Variants in SLC7A7 observed in about 807,000 individuals in gnomAD.
SLC7A7 encodes solute carrier family 7 member 7, also known as Y+L amino acid transporter 1.
In SLC7A7, 39 loss-of-function variants were observed where a neutral mutation model predicts 47.9. That is an observed-to-expected ratio of 0.81 (90% confidence interval 0.63 to 1.06). The LOEUF (loss-of-function observed/expected upper bound fraction) is 1.06. Among genes scored for constraint, SLC7A7 ranks in the 50% least tolerant of loss-of-function variants. The probability of loss-of-function intolerance (pLI) is 0.00; values close to 1 mark genes in which losing one functional copy is unlikely to be tolerated. For missense variants in SLC7A7, 588 were observed against 632.0 expected (o/e 0.93, Z 0.75); for synonymous variants, 234 against 242.8 (o/e 0.96, Z 0.34).
intron 2 of SLC7A7, among the ~76,000 whole-genome samples, chr14:22,792,897 A>AGAGAGAGAGAGAGAGAGAGAGAGAGAG (rs1555323613): frequency 1.6e-5 from 1 of 61,900 alleles, no homozygotes; most frequent in Non-Finnish European, 4.1e-5. Flanking sequence ...GAGAGAGAGA[A>AGAGAGAGAGAGAGAGAGAGAGAGAGAG]AGGAAAAGAA....
intron 2 of SLC7A7, among the ~76,000 whole-genome samples, chr14:22,803,265 C>T (rs2039146202): frequency 1.3e-5 from 2 of 151,788 alleles, no homozygotes; most frequent in African/African-American, 4.8e-5. Context: ...GCTAAAATAC[C>T]AAAATTAGCC....
intron 4 of SLC7A7, among the ~76,000 whole-genome samples, 179 bp downstream of exon 4, chr14:22,778,614 T>C (rs2038658839): frequency 6.6e-6 from 1 of 152,242 alleles, no homozygotes; most frequent in Non-Finnish European, 1.5e-5. Context: ...AGTTCATATT[T>C]TAGCCCTGTT....
At chr14:22,792,749 T>C (rs975465327) in intron 2 of SLC7A7, among the ~76,000 whole-genome samples, 17 of 149,592 alleles carry the variant, frequency 1.1e-4, no homozygotes, top group African/African-American at 3.7e-4. Context: ...CCTAGCTACC[T>C]GGGAGTCTGA....
In SLC7A7 at chr14:22,779,080, A is replaced by C. The variant is rs553109644; in HGVS notation, c.626-143T>G. ...ACCTTTGGCAGCAAGAGTACCAGTA[A>C]GGGAACAGGAAACAGAAGAGAGACG... is the stretch of plus-strand genomic sequence containing the variant. On this transcript the variant is annotated intron_variant, in intron 3 of 9. Transcript: ENST00000674313. 4.8e-5 allele frequency: 47 copies of C among 970,192 alleles called. No individual in the cohort carries two copies. In the South Asian group the frequency reaches 6.0e-4, roughly 12 times the overall value. 60.1% of individuals were successfully genotyped at this position (970,192 alleles called of 1,614,324 possible).
Position 22,775,535 on chromosome 14 carries a change from A to G in SLC7A7, c.1004T>C (p.Phe335Ser), listed in dbSNP as rs11568424. The stretch of plus-strand genomic sequence containing the variant: ...ATGGCCTTCTCTTGAGCCCACAAAG[A>G]AAAGCCTATGTTAGGTAAGATAGGA... ...NASIVAASRL[F>S]FVGSREGHLP... The change falls in exon 7 of 10, where the codon TTC becomes TCC. Residue 335 changes from phenylalanine to serine, a missense_variant. By Grantham distance (155) the Phe-to-Ser change is radical. Coordinates refer to ENST00000674313, the MANE Select transcript of SLC7A7 (RefSeq NM_003982.4). 8 of 1,613,994 alleles carry G rather than the reference A, an allele frequency of 5.0e-6. No homozygotes were observed. The highest frequency in any genetic ancestry group is 3.3e-4 in the Middle Eastern group (2 of 6,084).
At chr14:22,802,528 T>C (rs2039134382) in intron 2 of SLC7A7, among the ~76,000 whole-genome samples, 1 of 152,204 alleles carries the variant, frequency 6.6e-6, no homozygotes, top group Admixed American at 6.5e-5. Context: ...ACTTACAAGA[T>C]GGTAGATGTT....
rs1178945076 is a variant in SLC7A7 at position 22,774,491 on chromosome 14, A to G, written c.1108T>C (p.Leu370=). The G allele has an allele frequency of 1.9e-6, 3 of 1,614,174 alleles. No individual in the cohort carries two copies. In the South Asian group the frequency reaches 3.3e-5, roughly 18 times the overall value. The change falls in exon 8 of 10, where the codon TTG becomes CTG. Residue 370 remains leucine (L), a synonymous_variant. Transcript: ENST00000674313. ...PSLLFNGIMA[L]IYLCVEDIFQ... is the part of the protein sequence containing the mutation. ...ATGTCTTCCACGCACAAGTAGATCA[A>G]TGCCATGATACCCTGTAAGCGTGAG...
chr14:22,797,204 G>A (rs943396659), intron 2 of SLC7A7, among the ~76,000 whole-genome samples: 11 of 152,140 alleles, frequency 7.2e-5, no homozygotes, highest in South Asian at 4.1e-4. Flanking sequence ...AATGTGAGAC[G>A]GGGAGTGGGA....
intron 2 of SLC7A7, among the ~76,000 whole-genome samples, chr14:22,798,416 TCACCACCATGCACCAGTG>T (rs2039054858): frequency 6.6e-6 from 1 of 152,154 alleles, no homozygotes; most frequent in South Asian, 2.1e-4. Flanking sequence ...TCCACGCTGT[TCACCACCATGCACCAGTG>T]CCTTCCAAAG....
At chr14:22,807,672 C>T (rs1200093691) in intron 2 of SLC7A7, among the ~76,000 whole-genome samples, 1 of 152,166 alleles carries the variant, frequency 6.6e-6, no homozygotes, top group Non-Finnish European at 1.5e-5. Context: ...CCTTCTCCCA[C>T]CCCACATTCC....
At chr14:22,777,254 C>A (rs1413966921) in intron 4 of SLC7A7, among the ~76,000 whole-genome samples, 1 of 151,156 alleles carries the variant, frequency 6.6e-6, no homozygotes, top group Non-Finnish European at 1.5e-5. Flanking sequence ...CCCCAAAGAT[C>A]TTTTGGTGTC....
rs139075179 is a variant in SLC7A7 at position 22,815,270 on chromosome 14, A to G, written c.-43+50T>C. 2.8e-3 allele frequency: 1,203 copies of G among 430,086 alleles called. 14 individuals carry two copies. Among genetic ancestry groups the G allele is most frequent in the African/African-American group, 0.022 (1,089 of 49,638 alleles). The allele number at this position is 430,086 out of a possible 1,614,324, so 26.6% of individuals were successfully genotyped here. A position where few individuals can be genotyped will look rare whatever the true frequency, so the allele number is the denominator to read the frequency against. On this transcript the variant is annotated intron_variant, in intron 1 of 9. Transcript: ENST00000674313. ...TAGACACTGCACAGCAGCAAAGAGG[A>G]GGGTTAGCAAGGTAAGTGGAGATGA... is the stretch of plus-strand genomic sequence containing the variant.
chr14:22,795,474 TTTC>T (rs1219318624), intron 2 of SLC7A7, among the ~76,000 whole-genome samples: 1 of 39,122 alleles, frequency 2.6e-5, no homozygotes, highest in African/African-American at 7.8e-5. Context: ...TTTCTTTTCT[TTTC>T]TTTTCTTTTT....
At chr14:22,779,663 C>T (rs1052211857) in intron 3 of SLC7A7, among the ~76,000 whole-genome samples, 4 of 151,970 alleles carry the variant, frequency 2.6e-5, no homozygotes, top group African/African-American at 9.7e-5. Context: ...CCATCTTGGC[C>T]AGGCTGATCT....
chr14:22,817,316 GTATTTT>G (rs1228443512), upstream of SLC7A7: 1 of 231,982 alleles, frequency 4.3e-6, no homozygotes, highest in Non-Finnish European at 8.3e-6. Flanking sequence ...TTTTATTTCG[GTATTTT>G]TATTTTATTT....
At chr14:22,801,018 G>C (rs2039103843) in intron 2 of SLC7A7, among the ~76,000 whole-genome samples, 1 of 152,096 alleles carries the variant, frequency 6.6e-6, no homozygotes, top group Non-Finnish European at 1.5e-5. Context: ...ACCATCTGCT[G>C]CAACCACATG....
chr14:22,777,344 A>G lies in SLC7A7; in HGVS notation c.771-1026T>C, dbSNP rs77063913. Among the ~76,000 whole-genome samples, 1,396 of 152,206 alleles carry G rather than the reference A, an allele frequency of 9.2e-3. 12 individuals carry two copies. The highest frequency in any genetic ancestry group is 0.03 in the African/African-American group (1,254 of 41,522). ...ATATAAAAAGAAATTATGGAGGCAA[A>G]TTGTGAAATTTAACATCTTCAGAGA... is the stretch of plus-strand genomic sequence containing the variant. On this transcript the variant is annotated intron_variant, in intron 4 of 9. Transcript: ENST00000674313.
chr14:22,792,795 T>G (rs1594962441), intron 2 of SLC7A7, among the ~76,000 whole-genome samples: 2 of 132,228 alleles, frequency 1.5e-5, no homozygotes, highest in East Asian at 2.5e-4. Flanking sequence ...GAGGCGGAGG[T>G]TGCAGTGAGC....
intron 7 of SLC7A7, among the ~76,000 whole-genome samples, chr14:22,775,104 C>CACACACAT (rs1268324747): frequency 6.6e-6 from 1 of 151,218 alleles, no homozygotes; most frequent in Non-Finnish European, 1.5e-5. Context: ...CACACACACA[C>CACACACAT]ACTTCTAGAT....
Sources: gnomAD v4.1 joint callset for allele counts (sites outside exome capture counted in the v4.1 genomes callset) on GRCh38, gnomAD v4.1.1 for gene constraint, MANE v1.5 for transcripts, NCBI Gene and HGNC (gene_info 2026-07-23, HGNC 2026-07-21) for gene names.